The following PTPRG variants were observed in gnomAD, a reference collection of about 807,000 sequenced individuals.
PTPRG encodes protein tyrosine phosphatase receptor type G.
PTPRG carries 102 observed loss-of-function variants against 165.3 expected under a neutral mutation model. The ratio of observed to expected loss-of-function variants is 0.62; its 90% CI spans 0.53 to 0.73. The LOEUF (loss-of-function observed/expected upper bound fraction) is 0.73. PTPRG is among the 30% of genes least tolerant of loss of function. The pLI, the probability that PTPRG is intolerant of heterozygous loss-of-function variation, is 0.00. For missense variants in PTPRG, 1,866 were observed against 1,861.4 expected (o/e 1.00, Z -0.05); for synonymous variants, 675 against 669.5 (o/e 1.01, Z -0.13).
In PTPRG at chr3:61,833,573, C is replaced by A. The variant is rs577291111; in HGVS notation, c.190+84591C>A. ...AAGTGTTTTCCTTTCTTTTCTTTTTCTTTTTTTGGAGACAAGTCTCACTCT... is the reference window on the plus strand; with the variant it reads ...AAGTGTTTTCCTTTCTTTTCTTTTTATTTTTTTGGAGACAAGTCTCACTCT... On this transcript the variant is annotated intron_variant, in intron 2 of 29. Transcript: ENST00000474889. Among the ~76,000 whole-genome samples the A allele has an allele frequency of 2.6e-5, 4 of 151,972 alleles. No individual in the cohort carries two copies. The South Asian group carries it at 8.3e-4, about 32-fold the overall frequency.
intron 2 of PTPRG, among the ~76,000 whole-genome samples, chr3:61,830,846 T>A (rs1036319852): frequency 1.3e-5 from 2 of 152,242 alleles, no homozygotes; most frequent in Admixed American, 1.3e-4. Flanking sequence ...AGTGCTGGGA[T>A]CACAGGCATG....
At chr3:62,078,575 T>C (rs1261013443) in intron 5 of PTPRG, among the ~76,000 whole-genome samples, 1 of 151,178 alleles carries the variant, frequency 6.6e-6, no homozygotes, top group African/African-American at 2.4e-5. Context: ...GAGACTGATA[T>C]AAAAAAAAAG....
At position 61,996,966 on chromosome 3, in the gene PTPRG, C is replaced by T. The variant is rs115233650; in HGVS notation, c.371-6383C>T. ...ACAGAAGCCTCATTAACCAATTACC[C>T]TGAATGTTACAGGCCATTTTTTGAA... On this transcript the variant is annotated intron_variant, in intron 3 of 29. Coordinates refer to ENST00000474889, the MANE Select transcript of PTPRG (RefSeq NM_002841.4). Among the ~76,000 whole-genome samples the T allele has an allele frequency of 6.0e-3, 915 of 152,318 alleles. 15 individuals are homozygous for T. Among genetic ancestry groups the T allele is most frequent in the African/African-American group, 0.021 (873 of 41,568 alleles).
chr3:61,875,763 AG>A (rs2037723142), intron 2 of PTPRG, among the ~76,000 whole-genome samples: 2 of 152,176 alleles, frequency 1.3e-5, no homozygotes, highest in Admixed American at 1.3e-4. Flanking sequence ...ATGTAACTGG[AG>A]AACAAAGCTT....
chr3:61,600,388 A>G (rs960395517), intron 1 of PTPRG, among the ~76,000 whole-genome samples: 3 of 152,110 alleles, frequency 2.0e-5, no homozygotes, highest in Non-Finnish European at 2.9e-5. Flanking sequence ...TACACAAAAC[A>G]TGTACTGTAT....
intron 2 of PTPRG, among the ~76,000 whole-genome samples, chr3:61,836,427 G>C (rs989513425): frequency 6.6e-6 from 1 of 152,208 alleles, no homozygotes; most frequent in Middle Eastern, 3.4e-3. Flanking sequence ...AAGATGGTAG[G>C]CTCAGTTCCA....
At chr3:61,689,282 T>G (rs1038960954) in intron 1 of PTPRG, among the ~76,000 whole-genome samples, 1 of 152,250 alleles carries the variant, frequency 6.6e-6, no homozygotes, top group African/African-American at 2.4e-5. Context: ...TCATCTGTAA[T>G]GGTTGAAGCT....
chr3:62,106,698 T>C (rs1316450319), intron 5 of PTPRG, among the ~76,000 whole-genome samples: 5 of 152,164 alleles, frequency 3.3e-5, no homozygotes. Flanking sequence ...AGATGGGGTT[T>C]CACCAAGCCC....
At chr3:61,919,829 A>G (rs1575784921) in intron 2 of PTPRG, among the ~76,000 whole-genome samples, 1 of 152,058 alleles carries the variant, frequency 6.6e-6, no homozygotes, top group Non-Finnish European at 1.5e-5. Context: ...GCCTTCCCTC[A>G]CCCTTACCTC....
At chr3:61,658,792 G>A (rs1702581887) in intron 1 of PTPRG, among the ~76,000 whole-genome samples, 1 of 152,158 alleles carries the variant, frequency 6.6e-6, no homozygotes, top group African/African-American at 2.4e-5. Context: ...CCATGATCTA[G>A]TGCTCCCAGG....
At chr3:62,137,148 C>T (rs1703739845) in intron 6 of PTPRG, among the ~76,000 whole-genome samples, 1 of 152,026 alleles carries the variant, frequency 6.6e-6, no homozygotes, top group South Asian at 2.1e-4. Context: ...ATTTTATTTG[C>T]CCTATTATCA....
At chr3:61,635,623 A>G (rs1701888747) in intron 1 of PTPRG, among the ~76,000 whole-genome samples, 1 of 152,050 alleles carries the variant, frequency 6.6e-6, no homozygotes, top group Admixed American at 6.6e-5. Context: ...CTGGGATTAC[A>G]CATGTGAGCC....
intron 8 of PTPRG, among the ~76,000 whole-genome samples, chr3:62,178,313 CAT>C (rs1419452828): frequency 1.3e-5 from 2 of 152,138 alleles, no homozygotes; most frequent in African/African-American, 4.8e-5. Context: ...ATTAAGCTAA[CAT>C]ATACATATCA....
chr3:61,640,300 A>C (rs931532561), intron 1 of PTPRG, among the ~76,000 whole-genome samples: 1 of 152,206 alleles, frequency 6.6e-6, no homozygotes, highest in Non-Finnish European at 1.5e-5. Context: ...GTCTTTTCCC[A>C]AAATGAAAGC....
At chr3:62,025,741 T>C (rs760359341) in intron 4 of PTPRG, among the ~76,000 whole-genome samples, 1 of 152,178 alleles carries the variant, frequency 6.6e-6, no homozygotes. Context: ...AAAGGCACAA[T>C]AAAAAATTAT....
At chr3:62,078,342 G>A in intron 5 of PTPRG, 84 bp downstream of exon 5, 2 of 891,928 alleles carry the variant, frequency 2.2e-6, no homozygotes, top group East Asian at 2.7e-5. Context: ...TTTAATGAAT[G>A]CATCTGTTTT....
At position 62,242,527 on chromosome 3, in the gene PTPRG, A is replaced by C. The variant is rs561130874; in HGVS notation, c.2376-1280A>C. Among the ~76,000 whole-genome samples, 4 of 152,238 alleles carry C rather than the reference A, an allele frequency of 2.6e-5. No homozygotes were observed. In the East Asian group the frequency reaches 5.8e-4, roughly 22 times the overall value. ...GGCACTGCTTAAAGAACAGCGCTTC[A>C]TACTATGACATGTGATCATTTCTGA... On this transcript the variant is annotated intron_variant, in intron 14 of 29. Coordinates refer to ENST00000474889, the MANE Select transcript of PTPRG (RefSeq NM_002841.4).
intron 5 of PTPRG, among the ~76,000 whole-genome samples, chr3:62,079,577 G>T (rs960207557): frequency 6.6e-6 from 1 of 152,158 alleles, no homozygotes; most frequent in African/African-American, 2.4e-5. Context: ...AATGTGTATT[G>T]CTTACTGTGG....
chr3:61,775,311 T>C (rs577867114), intron 2 of PTPRG, among the ~76,000 whole-genome samples: 1 of 152,272 alleles, frequency 6.6e-6, no homozygotes, highest in East Asian at 1.9e-4. Flanking sequence ...CCTCAAGTCA[T>C]CTGCCCACTT....
Sources: gnomAD v4.1 joint callset for allele counts (sites outside exome capture counted in the v4.1 genomes callset) on GRCh38, gnomAD v4.1.1 for gene constraint, MANE v1.5 for transcripts, NCBI Gene and HGNC (gene_info 2026-07-23, HGNC 2026-07-21) for gene names.